Variants in ADGRL1 observed in about 807,000 individuals in gnomAD.
The protein encoded by ADGRL1 is adhesion G protein-coupled receptor L1, also known as CIRL-1.
In ADGRL1, 31 loss-of-function variants were observed where a neutral mutation model predicts 148.9. The ratio of observed to expected loss-of-function variants is 0.21; its 90% CI spans 0.16 to 0.28. ADGRL1 has a LOEUF of 0.28. ADGRL1 is among the 10% of genes least tolerant of loss of function. ADGRL1 has a pLI of 1.00. For synonymous variants in ADGRL1, 937 were observed against 900.3 expected (o/e 1.04, Z -0.73); for missense variants, 1,521 against 2,058.8 (o/e 0.74, Z 5.05).
In ADGRL1 at chr19:14,152,714, A is replaced by C; in HGVS notation, c.3423+70T>G. ...ATCATCACGATCAGAAACCTAGGCC[A>C]AGCCACTCCCCACCTCTCAGGCTCC... is the stretch of plus-strand genomic sequence containing the variant. On this transcript the variant is annotated intron_variant, in intron 19 of 22. Transcript: ENST00000361434. The surrounding 1 kb of genome is among the most constrained non-coding windows in gnomAD (Gnocchi z 6.1). The C allele has an allele frequency of 6.2e-7, 1 of 1,601,252 alleles. No individual in the cohort carries two copies. Among genetic ancestry groups the C allele is most frequent in the Non-Finnish European group, 8.5e-7 (1 of 1,170,274 alleles).
intron 1 of ADGRL1, among the ~76,000 whole-genome samples, chr19:14,184,848 C>T (rs961010984): frequency 6.6e-6 from 1 of 151,822 alleles, no homozygotes; most frequent in African/African-American, 2.4e-5. Flanking sequence ...ACCGTGTTAG[C>T]CAGGATGGTC....
At chr19:14,171,609 G>T (rs1970477687) in intron 3 of ADGRL1, among the ~76,000 whole-genome samples, 1 of 152,162 alleles carries the variant, frequency 6.6e-6, no homozygotes, top group Non-Finnish European at 1.5e-5. Flanking sequence ...GCAAACTTAC[G>T]ATCAATGAAA....
At chr19:14,202,284 G>A (rs1431650618) in intron 1 of ADGRL1, among the ~76,000 whole-genome samples, 2 of 151,354 alleles carry the variant, frequency 1.3e-5, no homozygotes, top group Non-Finnish European at 2.9e-5. Flanking sequence ...AATGAGTCTC[G>A]CTCTGTCGCC....
chr19:14,191,077 A>T (rs1481294695), intron 1 of ADGRL1: 1 of 450,878 alleles, frequency 2.2e-6, no homozygotes, highest in African/African-American at 2.0e-5. Flanking sequence ...ACAGAGCAAG[A>T]CTCCGTCTCA....
intron 4 of ADGRL1, among the ~76,000 whole-genome samples, chr19:14,167,333 G>A (rs934331646): frequency 1.3e-5 from 2 of 151,998 alleles, no homozygotes; most frequent in Non-Finnish European, 2.9e-5. Context: ...GGGTGGTAGG[G>A]GGGTACAGGC....
chr19:14,159,337 C>T lies in ADGRL1; in HGVS notation c.2023+64G>A. Reference sequence around the variant, plus strand: ...GGTCGGATAGCCCCCCTGTGGCCTCCAGGCCAGAACCCCGTGGTTTAAGGT... The same window carrying T: ...GGTCGGATAGCCCCCCTGTGGCCTCTAGGCCAGAACCCCGTGGTTTAAGGT... On this transcript the variant is annotated intron_variant, in intron 10 of 22. Transcript: ENST00000361434. The surrounding 1 kb of genome is among the most constrained non-coding windows in gnomAD (Gnocchi z 6.0). 1 of 1,569,708 alleles carries T rather than the reference C, an allele frequency of 6.4e-7. No homozygotes were observed. The highest frequency in any genetic ancestry group is 2.3e-5 in the East Asian group (1 of 44,344).
rs1293975046 is a variant in ADGRL1, at chr19:14,184,638, A to ATTTTTT, written c.-95-942_-95-941insAAAAAA. ...TATTTATTTATTTATTTATTTATTT[A>ATTTTTT]TTTATTTATTTTTTTTTCTGAGACG... On this transcript the variant is annotated intron_variant, in intron 1 of 22. Coordinates refer to ENST00000361434, the MANE Select transcript of ADGRL1 (RefSeq NM_014921.5). Among the ~76,000 whole-genome samples, 162 of 120,930 alleles carry ATTTTTT rather than the reference A, an allele frequency of 1.3e-3. 3 individuals carry two copies. Among genetic ancestry groups the ATTTTTT allele is most frequent in the Non-Finnish European group, 1.7e-3 (100 of 60,166 alleles). 79.3% of individuals were successfully genotyped at this position (120,930 alleles called of 152,430 possible).
intron 2 of ADGRL1, among the ~76,000 whole-genome samples, chr19:14,182,391 C>T (rs749750332): frequency 5.9e-5 from 9 of 152,260 alleles, no homozygotes; most frequent in Admixed American, 1.3e-4. Flanking sequence ...CAGCCAGGGA[C>T]CCAGATGCCC....
At position 14,152,562 on chromosome 19, in the gene ADGRL1, A is replaced by T; in HGVS notation, c.3475T>A (p.Ser1159Thr). 1 of 1,614,130 alleles carries T rather than the reference A, an allele frequency of 6.2e-7. No homozygotes were observed. Among genetic ancestry groups the T allele is most frequent in the Non-Finnish European group, 8.5e-7 (1 of 1,179,986 alleles). ...CTGTTGATGTCACCCGCCATGAAGG[A>T]GGACTCCGTCTGTTTCCTCACAGTG... ...NDTVRKQTESSFMAGDINSTP... is the reference protein window; with the variant it reads ...NDTVRKQTESTFMAGDINSTP... Residue 1159 changes from serine to threonine, a missense_variant, in exon 20 of 23, where the codon TCC becomes ACC. Physicochemically the swap from Ser to Thr is moderately conservative, Grantham distance 58. Transcript: ENST00000361434. The surrounding 1 kb of genome is among the most constrained non-coding windows in gnomAD (Gnocchi z 6.1).
At position 14,161,444 on chromosome 19, in the gene ADGRL1, G is replaced by C. The variant is rs752713538; in HGVS notation, c.1378C>G (p.Arg460Gly). 157 of 1,463,184 alleles carry C rather than the reference G, an allele frequency of 1.1e-4. No homozygotes were observed. The highest frequency in any genetic ancestry group is 1.4e-4 in the Non-Finnish European group (154 of 1,107,772). The allele number at this position is 1,463,184 out of a possible 1,614,324, so 90.6% of individuals were successfully genotyped here. A position where few individuals can be genotyped will look rare whatever the true frequency, so the allele number is the denominator to read the frequency against. The change falls in exon 6 of 23, where the codon CGG (arginine) becomes GGG (glycine). Residue 460 changes from arginine (R) to glycine (G), a missense_variant. Around this residue, in one of 8 missense-constraint regions of ADGRL1, gnomAD observed 270 missense variants for 320.4 expected, o/e 0.84. Coordinates refer to ENST00000361434, the MANE Select transcript of ADGRL1 (RefSeq NM_014921.5). The surrounding 1 kb of genome is among the most constrained non-coding windows in gnomAD (Gnocchi z 4.4). ...TGTAGATTCGGGGCTGGGGGCCGCCGGGTGCTGGGGACTGGGGCTGTGGCT... is the reference window on the plus strand; with the variant it reads ...TGTAGATTCGGGGCTGGGGGCCGCCCGGTGCTGGGGACTGGGGCTGTGGCT... ...PPATAPVPST[R>G]RPPAPNLHVS...
At chr19:14,176,677 A>G (rs1970849585) in intron 3 of ADGRL1, among the ~76,000 whole-genome samples, 1 of 151,876 alleles carries the variant, frequency 6.6e-6, no homozygotes, top group South Asian at 2.1e-4. Context: ...CCTCTACAAA[A>G]AATAAAATAA....
intron 1 of ADGRL1, among the ~76,000 whole-genome samples, chr19:14,204,752 G>A (rs1449052158): frequency 2.6e-5 from 4 of 151,896 alleles, no homozygotes; most frequent in East Asian, 1.9e-4. Context: ...CAGACAGAGA[G>A]AGAGAGAGCG....
At position 14,152,355 on chromosome 19, in the gene ADGRL1, C is replaced by T. The variant is rs1284597178; in HGVS notation, c.3603G>A (p.Glu1201=). Reference sequence around the variant, plus strand: ...GCGAGGAGGGATTGAAGCCCACTGACTCGGCGATGAGGGTGTTGTAGGGAC... The same window carrying T: ...GCGAGGAGGGATTGAAGCCCACTGATTCGGCGATGAGGGTGTTGTAGGGAC... ...GTSPYNTLIA[E]SVGFNPSSPP... Residue 1201 remains glutamate (E), a synonymous_variant, in exon 21 of 23, where the codon GAG becomes GAA. Transcript: ENST00000361434. The surrounding 1 kb of genome is among the most constrained non-coding windows in gnomAD (Gnocchi z 6.1). The T allele has an allele frequency of 1.3e-6, 2 of 1,599,536 alleles. No homozygotes were observed. Among genetic ancestry groups the T allele is most frequent in the Non-Finnish European group, 8.5e-7 (1 of 1,171,026 alleles).
chr19:14,192,995 G>A (rs893158625), intron 1 of ADGRL1, among the ~76,000 whole-genome samples: 1 of 152,176 alleles, frequency 6.6e-6, no homozygotes, highest in African/African-American at 2.4e-5. Flanking sequence ...ACTAAGGACG[G>A]CAGTGAGGAT....
In ADGRL1 at chr19:14,161,356, T is replaced by C. The variant is rs1191199972; in HGVS notation, c.1466A>G (p.Gln489Arg). Reference sequence around the variant, plus strand: ...GGGCCTCTCCACCAGCATGCCCTGCTGGGTGGCCGGCCACTGGACCCGCCG... The same window carrying C: ...GGGCCTCTCCACCAGCATGCCCTGCCGGGTGGCCGGCCACTGGACCCGCCG... Reference protein sequence around the residue: ...EVRRVQWPATQQGMLVERPCP... With the variant: ...EVRRVQWPATRQGMLVERPCP... Residue 489 changes from glutamine to arginine, a missense_variant, in exon 6 of 23, where the codon CAG becomes CGG. Physicochemically the swap from Gln to Arg is conservative, Grantham distance 43 (BLOSUM62 1). Around this residue, in one of 8 missense-constraint regions of ADGRL1, gnomAD observed 270 missense variants for 320.4 expected, o/e 0.84. Transcript: ENST00000361434. This position sits in a 1 kb window ranked among gnomAD's most constrained non-coding sequence, Gnocchi z 4.4. 23 of 1,586,238 alleles carry C rather than the reference T, an allele frequency of 1.4e-5. No homozygotes were observed. Among genetic ancestry groups the C allele is most frequent in the Non-Finnish European group, 2.0e-5 (23 of 1,169,162 alleles).
chr19:14,152,083 C>G lies in ADGRL1; in HGVS notation c.3667+50G>C. 7 of 1,560,144 alleles carry G rather than the reference C, an allele frequency of 4.5e-6. No individual in the cohort carries two copies. Among genetic ancestry groups the G allele is most frequent in the Non-Finnish European group, 5.3e-6 (6 of 1,130,766 alleles). On this transcript the variant is annotated intron_variant, in intron 22 of 22. Transcript: ENST00000361434. The surrounding 1 kb of genome is among the most constrained non-coding windows in gnomAD (Gnocchi z 6.1). ...TGAGGCCGTCTGAGAAGGCCACTGT[C>G]TGTCCCTCTCCCAGCCTCAGAAACA...
intron 3 of ADGRL1, among the ~76,000 whole-genome samples, chr19:14,173,919 C>T (rs1970643254): frequency 7.5e-6 from 1 of 133,882 alleles, no homozygotes; most frequent in Admixed American, 8.3e-5. Flanking sequence ...GCACTCCAGC[C>T]TGGGGGAGAG....
At chr19:14,174,278 A>C (rs1422663653) in intron 3 of ADGRL1, among the ~76,000 whole-genome samples, 2 of 152,208 alleles carry the variant, frequency 1.3e-5, no homozygotes, top group Non-Finnish European at 2.9e-5. Context: ...GCCTAAGCAA[A>C]GGCTAGAGCC....
intron 1 of ADGRL1, among the ~76,000 whole-genome samples, chr19:14,189,607 A>T (rs565108718): frequency 6.6e-6 from 1 of 152,128 alleles, no homozygotes; most frequent in Non-Finnish European, 1.5e-5. Context: ...TCCGAGCTTC[A>T]TTCCGTTTTA....
Sources: allele counts gnomAD v4.1 joint callset (sites outside exome capture counted in the v4.1 genomes callset), GRCh38; gene constraint gnomAD v4.1.1; regional missense constraint gnomAD v4.1.1; non-coding constraint Gnocchi (gnomAD v3.1); transcripts MANE v1.5; gene names NCBI Gene and HGNC (gene_info 2026-07-23, HGNC 2026-07-21).